Variants in FOXJ3 observed in about 807,000 individuals in gnomAD.
The protein encoded by FOXJ3 is forkhead box protein J3.
FOXJ3 carries 22 observed loss-of-function variants against 76.1 expected under a neutral mutation model. The ratio of observed to expected loss-of-function variants is 0.29; its 90% CI spans 0.21 to 0.41. FOXJ3 has a LOEUF of 0.41. Ranked by LOEUF, FOXJ3 falls within the 10% of genes least tolerant of loss-of-function variation. The pLI, the probability that FOXJ3 is intolerant of heterozygous loss-of-function variation, is 1.00. For synonymous variants in FOXJ3, 269 were observed against 261.2 expected, an observed-to-expected ratio of 1.03 and a Z score of -0.29; for missense variants, 613 against 762.1, an observed-to-expected ratio of 0.80 and a Z score of 2.30.
chr1:42,307,743 A>G (rs1218105929), intron 2 of FOXJ3, among the ~76,000 whole-genome samples: 1 of 152,190 alleles, frequency 6.6e-6, no homozygotes, highest in Non-Finnish European at 1.5e-5. Flanking sequence ...ACTACTTTGC[A>G]GCCATTTTTT....
rs181275824 is a variant in FOXJ3, at chr1:42,213,346, T to C, written c.529-7483A>G. On this transcript the variant is annotated intron_variant, in intron 5 of 12. Transcript: ENST00000361346. ...CTGTCTTCAGAAGACATACCTAACA[T>C]GTAAGGATTCTTAAAGACTCAAGAT... Among the ~76,000 whole-genome samples the C allele has an allele frequency of 1.7e-4, 26 of 151,616 alleles. 1 individual carries two copies. The East Asian group carries it at 4.7e-3, about 27-fold the overall frequency.
Position 42,188,771 on chromosome 1 carries a change from C to G in FOXJ3, c.1611G>C (p.Met537Ile). ...NVQQNVCHGAMHPTKPSQHIG... is the reference protein window; with the variant it reads ...NVQQNVCHGAIHPTKPSQHIG... Reference sequence around the variant, plus strand: ...TGTGTTGGGAAGGTTTTGTTGGATGCATGGCACCATGACAAACATTTTGTT... The same window carrying G: ...TGTGTTGGGAAGGTTTTGTTGGATGGATGGCACCATGACAAACATTTTGTT... The change falls in exon 11 of 13, where the codon ATG becomes ATC. Residue 537 changes from methionine to isoleucine, a missense_variant. By Grantham distance (10) the Met-to-Ile change is conservative. Transcript: ENST00000361346. The G allele has an allele frequency of 1.2e-6, 2 of 1,609,384 alleles. No homozygotes were observed. Among genetic ancestry groups the G allele is most frequent in the Non-Finnish European group, 1.7e-6 (2 of 1,177,394 alleles).
At position 42,241,365 on chromosome 1, in the gene FOXJ3, G is replaced by A. The variant is rs117295531; in HGVS notation, c.445-13399C>T. Among the ~76,000 whole-genome samples, 15 of 152,128 alleles carry A rather than the reference G, an allele frequency of 9.9e-5. No homozygotes were observed. The East Asian group carries it at 2.3e-3, about 24-fold the overall frequency. ...ACTTCCCCAGCCCACCCCAAACACC[G>A]CTCCAGCTACCTGAGCACACTGCCA... On this transcript the variant is annotated intron_variant, in intron 4 of 12. Coordinates refer to ENST00000361346, the MANE Select transcript of FOXJ3 (RefSeq NM_014947.5).
intron 5 of FOXJ3, among the ~76,000 whole-genome samples, chr1:42,219,379 C>T (rs1371626997): frequency 6.6e-6 from 1 of 152,114 alleles, no homozygotes; most frequent in African/African-American, 2.4e-5. Flanking sequence ...ATAAATTAAA[C>T]TTTATCATAG....
rs114187319 is a variant in FOXJ3 at position 42,292,332 on chromosome 1, G to A, written c.45-13660C>T. 5.5e-3 allele frequency among the ~76,000 whole-genome samples: 832 copies of A among 152,266 alleles called. 14 individuals carry two copies. Among genetic ancestry groups the A allele is most frequent in the African/African-American group, 0.019 (807 of 41,546 alleles). On this transcript the variant is annotated intron_variant, in intron 2 of 12. Transcript: ENST00000361346. ...ATAACTGCTTTAAGGACAACGGCTT[G>A]GCAGTTTCTTAAACATACACCTACA...
At chr1:42,220,932 T>A in intron 5 of FOXJ3, among the ~76,000 whole-genome samples, 1 of 152,202 alleles carries the variant, frequency 6.6e-6, no homozygotes. Context: ...CTTTCTTTAA[T>A]GCAATAGTTC....
chr1:42,321,054 C>T (rs1435439242), intron 1 of FOXJ3, among the ~76,000 whole-genome samples: 2 of 152,152 alleles, frequency 1.3e-5, no homozygotes, highest in African/African-American at 4.8e-5. Flanking sequence ...TATAAAGCCT[C>T]CGCTGCCAGA....
intron 4 of FOXJ3, among the ~76,000 whole-genome samples, chr1:42,262,814 A>T (rs1161317772): frequency 6.6e-6 from 1 of 152,250 alleles, no homozygotes; most frequent in Admixed American, 6.5e-5. Flanking sequence ...GCACCACTGC[A>T]CTCCAGCCTG....
intron 7 of FOXJ3, among the ~76,000 whole-genome samples, chr1:42,195,943 TTC>T (rs752722794): frequency 4.6e-5 from 7 of 152,184 alleles, no homozygotes; most frequent in Non-Finnish European, 1.0e-4. Flanking sequence ...GAGGCGAAAA[TTC>T]TCATCTGCCC....
intron 4 of FOXJ3, among the ~76,000 whole-genome samples, chr1:42,242,466 T>C (rs1313787854): frequency 1.3e-5 from 2 of 151,320 alleles, no homozygotes; most frequent in African/African-American, 4.9e-5. Flanking sequence ...ATCAATGAAA[T>C]TCTAAAAATT....
At chr1:42,181,893 A>C (rs868484374) in intron 12 of FOXJ3, 24 bp downstream of exon 12, 2 of 1,338,386 alleles carry the variant, frequency 1.5e-6, no homozygotes, top group East Asian at 4.7e-5. Flanking sequence ...ACACACACAC[A>C]CTCACTCTCT....
At chr1:42,260,263 G>A (rs1650933337) in intron 4 of FOXJ3, among the ~76,000 whole-genome samples, 1 of 151,608 alleles carries the variant, frequency 6.6e-6, no homozygotes, top group Non-Finnish European at 1.5e-5. Context: ...GACCAAAATG[G>A]GATACCAGAG....
At chr1:42,238,015 C>A (rs1420734391) in intron 4 of FOXJ3, among the ~76,000 whole-genome samples, 3 of 151,712 alleles carry the variant, frequency 2.0e-5, no homozygotes, top group African/African-American at 7.3e-5. Flanking sequence ...CATGTCTATC[C>A]TTATGCCAAT....
At chr1:42,291,602 A>C (rs1172598484) in intron 2 of FOXJ3, among the ~76,000 whole-genome samples, 1 of 152,154 alleles carries the variant, frequency 6.6e-6, no homozygotes, top group Non-Finnish European at 1.5e-5. Context: ...GGAGTTTAAG[A>C]CCAGCCTGGG....
chr1:42,270,948 T>C (rs895664858), intron 3 of FOXJ3, among the ~76,000 whole-genome samples: 10 of 152,146 alleles, frequency 6.6e-5, no homozygotes, highest in African/African-American at 2.4e-4. Flanking sequence ...CTGGTTTCTG[T>C]CCCCACAGGT....
At chr1:42,311,246 C>T in intron 1 of FOXJ3, 136 bp from the exon 2 acceptor site, 4 of 600,612 alleles carry the variant, frequency 6.7e-6, no homozygotes, top group Non-Finnish European at 1.2e-5. Flanking sequence ...AAAGAATCAC[C>T]CCATCAGAAC....
chr1:42,248,906 C>T (rs1161225101), intron 4 of FOXJ3, among the ~76,000 whole-genome samples: 1 of 151,988 alleles, frequency 6.6e-6, no homozygotes, highest in African/African-American at 2.4e-5. Flanking sequence ...CTCCTTGCTG[C>T]CCCCGCAACC....
intron 5 of FOXJ3, among the ~76,000 whole-genome samples, chr1:42,208,819 A>G (rs1042562381): frequency 3.9e-5 from 6 of 152,238 alleles, no homozygotes; most frequent in Non-Finnish European, 5.9e-5. Context: ...CCTACTGAAC[A>G]TAACAGCTCA....
intron 2 of FOXJ3, among the ~76,000 whole-genome samples, chr1:42,299,794 G>C (rs1301352983): frequency 6.6e-6 from 1 of 152,050 alleles, no homozygotes; most frequent in Non-Finnish European, 1.5e-5. Context: ...AGTAATCCCA[G>C]CTACTTGGGA....
Sources: gnomAD v4.1 joint callset for allele counts (sites outside exome capture counted in the v4.1 genomes callset) on GRCh38, gnomAD v4.1.1 for gene constraint, MANE v1.5 for transcripts, NCBI Gene and HGNC (gene_info 2026-07-23, HGNC 2026-07-21) for gene names.